PINX1: variants seen among roughly 807,000 people sequenced by gnomAD.
The protein encoded by PINX1 is PIN2/TERF1-interacting telomerase inhibitor 1.
PINX1 carries 34 observed loss-of-function variants against 25.4 expected under a neutral mutation model. The observed-to-expected ratio is 1.34, with a 90% CI of 1.02 to 1.78. PINX1 has a LOEUF of 1.78. Among genes scored for constraint, PINX1 ranks in the 40% most tolerant of loss-of-function variants. The pLI is 0.00. For missense variants in PINX1, 592 were observed against 404.9 expected, an observed-to-expected ratio of 1.46 and a Z score of -3.97; for synonymous variants, 197 against 147.7, an observed-to-expected ratio of 1.33 and a Z score of -2.42.
At chr8:10,779,780 A>G (rs1390370170) in intron 6 of PINX1, among the ~76,000 whole-genome samples, 1 of 152,226 alleles carries the variant, frequency 6.6e-6, no homozygotes, top group African/African-American at 2.4e-5. Flanking sequence ...ATTTTATCAT[A>G]AAGAAATTAT....
chr8:10,798,611 T>C (rs748767332), intron 6 of PINX1, among the ~76,000 whole-genome samples: 1 of 152,244 alleles, frequency 6.6e-6, no homozygotes, highest in South Asian at 2.1e-4. Context: ...GATGGCCGTT[T>C]AGGAAAGTCT....
chr8:10,818,271 C>G (rs530652304), intron 6 of PINX1, among the ~76,000 whole-genome samples: 2 of 152,198 alleles, frequency 1.3e-5, no homozygotes, highest in Non-Finnish European at 2.9e-5. Context: ...AAGAGATTTT[C>G]CTGGGGCTAG....
chr8:10,782,595 G>T (rs1285990006), intron 6 of PINX1, among the ~76,000 whole-genome samples: 2 of 152,164 alleles, frequency 1.3e-5, no homozygotes, highest in African/African-American at 4.8e-5. Context: ...AATTAGCTGG[G>T]CGTGGTGGCT....
chr8:10,826,270 T>C lies in PINX1; in HGVS notation c.302-26A>G, dbSNP rs76777436. ...CTTTAAAAAAGATGAAAAAAATACA[T>C]TAAAGTCTTTCTAATCCAATCTCAT... On this transcript the variant is annotated intron_variant, in intron 4 of 6. Coordinates refer to ENST00000314787, the MANE Select transcript of PINX1 (RefSeq NM_017884.6). The C allele has an allele frequency of 4.8e-3, 6,005 of 1,242,330 alleles. 229 individuals are homozygous for C. The African/African-American group carries it at 0.077, about 16-fold the overall frequency. 77.0% of individuals were successfully genotyped at this position (1,242,330 alleles called of 1,614,324 possible).
intron 5 of PINX1, among the ~76,000 whole-genome samples, chr8:10,820,796 G>C (rs1272619341): frequency 6.6e-6 from 1 of 152,114 alleles, no homozygotes; most frequent in Non-Finnish European, 1.5e-5. Flanking sequence ...AATTTTAAAA[G>C]AATATATGTA....
intron 6 of PINX1, among the ~76,000 whole-genome samples, chr8:10,791,750 T>C (rs940257673): frequency 6.6e-6 from 1 of 152,110 alleles, no homozygotes; most frequent in Non-Finnish European, 1.5e-5. Flanking sequence ...CTACAAACTA[T>C]AAACCCTGGA....
chr8:10,772,252 G>A (rs1586131457), intron 6 of PINX1, among the ~76,000 whole-genome samples: 1 of 152,246 alleles, frequency 6.6e-6, no homozygotes, highest in African/African-American at 2.4e-5. Context: ...AGCAAGCTGT[G>A]AAGGCACAGC....
In PINX1 at chr8:10,832,918, C is replaced by T. The variant is rs766139889; in HGVS notation, c.196G>A (p.Gly66Arg). Reference protein sequence around the residue: ...IKVQVKNNHLGLGATINNEDN... With the variant: ...IKVQVKNNHLRLGATINNEDN... ...TCATTATTGATGGTAGCTCCGAGTC[C>T]CAGGTGGTTATTTTTCACTTGAACT... Residue 66 changes from glycine to arginine, a missense_variant, in exon 3 of 7, where the codon GGA becomes AGA. Gly to Arg is a moderately radical substitution (Grantham distance 125, BLOSUM62 -2). Transcript: ENST00000314787. 1 of 1,611,474 alleles carries T rather than the reference C, an allele frequency of 6.2e-7. No homozygotes were observed. Among genetic ancestry groups the T allele is most frequent in the African/African-American group, 1.3e-5 (1 of 74,956 alleles).
At chr8:10,775,111 T>G (rs924658962) in intron 6 of PINX1, among the ~76,000 whole-genome samples, 1 of 152,300 alleles carries the variant, frequency 6.6e-6, no homozygotes, top group South Asian at 2.1e-4. Context: ...TCATAAAAAA[T>G]AAAAATTGTT....
At chr8:10,836,046 A>C (rs1798395879) in intron 1 of PINX1, among the ~76,000 whole-genome samples, 1 of 152,180 alleles carries the variant, frequency 6.6e-6, no homozygotes, top group Admixed American at 6.5e-5. Flanking sequence ...TGCCACATCA[A>C]TATAAGCACA....
chr8:10,773,002 T>A (rs1190182235), intron 6 of PINX1, among the ~76,000 whole-genome samples: 2 of 152,180 alleles, frequency 1.3e-5, no homozygotes, highest in Non-Finnish European at 2.9e-5. Context: ...AAAAATTACA[T>A]GAATTTCAAA....
chr8:10,809,883 T>A (rs1191426989), intron 6 of PINX1, among the ~76,000 whole-genome samples: 1 of 152,232 alleles, frequency 6.6e-6, no homozygotes, highest in African/African-American at 2.4e-5. Context: ...GCTGGGTAAT[T>A]TATAAAGTAA....
chr8:10,771,330 G>A (rs1271780990), intron 6 of PINX1: 5 of 152,178 alleles, frequency 3.3e-5, no homozygotes, highest in Admixed American at 6.5e-5. Flanking sequence ...GCTGGCCTAC[G>A]ATGTTCTTCC....
At chr8:10,786,170 G>T (rs1271026858) in intron 6 of PINX1, among the ~76,000 whole-genome samples, 1 of 152,088 alleles carries the variant, frequency 6.6e-6, no homozygotes, top group Non-Finnish European at 1.5e-5. Flanking sequence ...TTAATCATTT[G>T]TTCACTTCCT....
At chr8:10,772,680 C>A (rs1397981673) in intron 6 of PINX1, among the ~76,000 whole-genome samples, 1 of 152,210 alleles carries the variant, frequency 6.6e-6, no homozygotes, top group Non-Finnish European at 1.5e-5. Flanking sequence ...GAGTCAAAAA[C>A]AAATATAAAA....
At chr8:10,786,381 G>A (rs371896682) in intron 6 of PINX1, among the ~76,000 whole-genome samples, 2 of 152,160 alleles carry the variant, frequency 1.3e-5, no homozygotes, top group African/African-American at 2.4e-5. Flanking sequence ...TGGTAAACAG[G>A]GGAATGGTGC....
intron 6 of PINX1, among the ~76,000 whole-genome samples, chr8:10,813,888 G>A (rs567645920): frequency 2.0e-5 from 3 of 149,492 alleles, no homozygotes; most frequent in Admixed American, 6.8e-5. Context: ...CTGGGAAGGT[G>A]GGGGAGGGAA....
intron 6 of PINX1, among the ~76,000 whole-genome samples, chr8:10,810,537 A>G (rs4840517): frequency 0.37 from 56,729 of 151,990 alleles, 11,286 homozygotes; most frequent in African/African-American, 0.51. Context: ...AATTCAATTC[A>G]GCAAGAACCT....
intron 5 of PINX1, among the ~76,000 whole-genome samples, chr8:10,825,606 C>G (rs1279607258): frequency 6.6e-6 from 1 of 152,170 alleles, no homozygotes; most frequent in Non-Finnish European, 1.5e-5. Flanking sequence ...AATTCTCACC[C>G]AGGTCTCAAA....
Sources: gnomAD v4.1 joint callset for allele counts (sites outside exome capture counted in the v4.1 genomes callset) on GRCh38, gnomAD v4.1.1 for gene constraint, MANE v1.5 for transcripts, NCBI Gene and HGNC (gene_info 2026-07-23, HGNC 2026-07-21) for gene names.